SPEG: variants seen among roughly 807,000 people sequenced by gnomAD.
The protein encoded by SPEG is striated muscle enriched protein kinase, also known as striated muscle preferentially expressed protein kinase.
In SPEG, 114 loss-of-function variants were observed where a neutral mutation model predicts 300.4. The observed-to-expected ratio is 0.38, with a 90% CI of 0.33 to 0.44. The LOEUF is 0.44. Ranked by LOEUF, SPEG falls within the 20% of genes least tolerant of loss-of-function variation. The probability of loss-of-function intolerance (pLI) is 1.00; values close to 1 mark genes in which losing one functional copy is unlikely to be tolerated. For synonymous variants in SPEG, 1,964 were observed against 2,018.9 expected (o/e 0.97, Z 0.73); for missense variants, 4,201 against 4,586.2 (o/e 0.92, Z 2.43).
At position 219,448,938 on chromosome 2, in the gene SPEG, G is replaced by T; in HGVS notation, c.1780G>T (p.Asp594Tyr). 6.7e-7 allele frequency: 1 copy of T among 1,497,194 alleles called. No homozygotes were observed. Among genetic ancestry groups the T allele is most frequent in the East Asian group, 2.8e-5 (1 of 35,698 alleles). 92.7% of individuals were successfully genotyped at this position (1,497,194 alleles called of 1,614,324 possible). A position where few individuals can be genotyped will look rare whatever the true frequency, so the allele number is the denominator to read the frequency against. ...CCCGCAGCAGGAGGTTAGGCGTCGGGACCAATTCCCGCTGACCCGGAGCAG... is the reference window on the plus strand; with the variant it reads ...CCCGCAGCAGGAGGTTAGGCGTCGGTACCAATTCCCGCTGACCCGGAGCAG... Reference protein sequence around the residue: ...EGPQQEVRRRDQFPLTRSRAI... With the variant: ...EGPQQEVRRRYQFPLTRSRAI... Residue 594 changes from aspartate (D) to tyrosine (Y), a missense_variant, in exon 4 of 41, where the codon GAC becomes TAC. Physicochemically the swap from Asp to Tyr is radical, Grantham distance 160. Transcript: ENST00000312358.
At position 219,469,323 on chromosome 2, in the gene SPEG, G is replaced by A; in HGVS notation, c.3659G>A (p.Ser1220Asn). The change falls in exon 13 of 41, where the codon AGC becomes AAC. Residue 1220 changes from serine to asparagine, a missense_variant. Physicochemically the swap from Ser to Asn is conservative, Grantham distance 46 (BLOSUM62 1). Coordinates refer to ENST00000312358, the MANE Select transcript of SPEG (RefSeq NM_005876.5). ...QVTGLPYPTI[S>N]WFHNGHRIQS... ...ACCGGCCTGCCCTACCCCACCATCA[G>A]CTGGTTCCACAATGGCCACCGCATC... is the stretch of plus-strand genomic sequence containing the variant. The A allele has an allele frequency of 6.2e-7, 1 of 1,613,928 alleles. No homozygotes were observed. Among genetic ancestry groups the A allele is most frequent in the Non-Finnish European group, 8.5e-7 (1 of 1,179,978 alleles).
Position 219,479,460 on chromosome 2 carries a change from A to G in SPEG, c.5085+259A>G, listed in dbSNP as rs76622034. 6.6e-6 allele frequency among the ~76,000 whole-genome samples: 1 copy of G among 152,286 alleles called. No homozygotes were observed. The highest frequency in any genetic ancestry group is 2.4e-5 in the African/African-American group (1 of 41,560). On this transcript the variant is annotated intron_variant, in intron 23 of 40. Coordinates refer to ENST00000312358, the MANE Select transcript of SPEG (RefSeq NM_005876.5). The surrounding 1 kb of genome is among the most constrained non-coding windows in gnomAD (Gnocchi z 5.5). Reference sequence around the variant, plus strand: ...ACTGTTGTTTCCCACTCTTCATCACATAAACATCCCCCAAACATTTCTCCT... The same window carrying G: ...ACTGTTGTTTCCCACTCTTCATCACGTAAACATCCCCCAAACATTTCTCCT...
rs2125538466 is a variant in SPEG, at chr2:219,481,184, T to G, written c.5370-120T>G. 9.1e-7 allele frequency: 1 copy of G among 1,100,998 alleles called. No homozygotes were observed. The highest frequency in any genetic ancestry group is 2.4e-5 in the East Asian group (1 of 42,262). The allele number at this position is 1,100,998 out of a possible 1,614,324, so 68.2% of individuals were successfully genotyped here. ...CGCAGCCTCACCTCTTACCCACATTTGCCCAGCCTCTGTCATCCTCACAAC... is the reference window on the plus strand; with the variant it reads ...CGCAGCCTCACCTCTTACCCACATTGGCCCAGCCTCTGTCATCCTCACAAC... On this transcript the variant is annotated intron_variant, in intron 26 of 40. Transcript: ENST00000312358. The surrounding 1 kb of genome is among the most constrained non-coding windows in gnomAD (Gnocchi z 5.4).
chr2:219,453,255 C>T (rs1220169105), intron 6 of SPEG, among the ~76,000 whole-genome samples: 3 of 152,300 alleles, frequency 2.0e-5, no homozygotes, highest in South Asian at 2.1e-4. Context: ...CAGCTTGGGG[C>T]GAGGCAGTTG....
chr2:219,462,116 C>T (rs1690766645), intron 7 of SPEG, 59 bp downstream of exon 7: 2 of 1,400,030 alleles, frequency 1.4e-6, no homozygotes, highest in Non-Finnish European at 2.0e-6. Flanking sequence ...TTGGGTGCCC[C>T]CTTGTTCTTG....
intron 40 of SPEG, 43 bp downstream of exon 40, chr2:219,492,303 C>T: frequency 6.3e-7 from 1 of 1,580,386 alleles, no homozygotes. Flanking sequence ...GTTACCTGCC[C>T]CTGGCCTGGC....
At chr2:219,468,496 C>T (rs908921975) in intron 10 of SPEG, 82 bp from the exon 11 acceptor site, 19 of 1,483,440 alleles carry the variant, frequency 1.3e-5, no homozygotes, top group Middle Eastern at 5.0e-4. Flanking sequence ...GCTTCCTGCT[C>T]AGCCTTAGGT....
intron 6 of SPEG, chr2:219,461,114 G>A (rs1690647868): frequency 1.1e-6 from 1 of 899,320 alleles, no homozygotes; most frequent in Non-Finnish European, 1.3e-6. Flanking sequence ...AGCTCAGCGA[G>A]ACTGGGACCC....
rs373012879 is a variant in SPEG at position 219,477,962 on chromosome 2, G to A, written c.4884G>A (p.Ala1628=). 2.0e-5 allele frequency: 32 copies of A among 1,614,046 alleles called. No homozygotes were observed. The highest frequency in any genetic ancestry group is 1.6e-4 in the Middle Eastern group (1 of 6,084). The change falls in exon 22 of 41, where the codon GCG becomes GCA. Residue 1628 remains alanine (A), a synonymous_variant. Coordinates refer to ENST00000312358, the MANE Select transcript of SPEG (RefSeq NM_005876.5). The surrounding 1 kb of genome is among the most constrained non-coding windows in gnomAD (Gnocchi z 6.4). ...IVERSSGLEF[A]AKFIPSQAKP... is the part of the protein sequence containing the mutation. ...AGCGTAGCTCCGGCCTGGAGTTTGC[G>A]GCCAAGTTCATCCCCAGCCAGGCCA...
Position 219,449,026 on chromosome 2 carries a change from C to A in SPEG, c.1868C>A (p.Thr623Lys). The change falls in exon 4 of 41, where the codon ACG (threonine) becomes AAG (lysine). Residue 623 changes from threonine (T) to lysine (K), a missense_variant. Physicochemically the swap from Thr to Lys is moderately conservative, Grantham distance 78. Coordinates refer to ENST00000312358, the MANE Select transcript of SPEG (RefSeq NM_005876.5). Reference sequence around the variant, plus strand: ...GCCGCCGATCCCCCAGAGGCCAGGACGAAAGCACCCCCCGGTCGGAAGCGG... The same window carrying A: ...GCCGCCGATCCCCCAGAGGCCAGGAAGAAAGCACCCCCCGGTCGGAAGCGG... ...PPAADPPEAR[T>K]KAPPGRKREP... 2 of 1,520,534 alleles carry A rather than the reference C, an allele frequency of 1.3e-6. No individual in the cohort carries two copies. The highest frequency in any genetic ancestry group is 1.8e-6 in the Non-Finnish European group (2 of 1,134,356). The allele number at this position is 1,520,534 out of a possible 1,614,324, so 94.2% of individuals were successfully genotyped here. A position where few individuals can be genotyped will look rare whatever the true frequency, so the allele number is the denominator to read the frequency against.
chr2:219,435,073 C>T lies in SPEG; in HGVS notation c.96C>T (p.Gly32=). ...VPPKRAKVGA[G]GGAPVAVAGA... is the part of the protein sequence containing the mutation. The stretch of plus-strand genomic sequence containing the variant: ...CGAAAAGGGCCAAGGTGGGGGCCGG[C>T]GGCGGGGCTCCTGTGGCCGTGGCCG... The change falls in exon 1 of 41, where the codon GGC becomes GGT. Residue 32 remains glycine (G), a synonymous_variant. Coordinates refer to ENST00000312358, the MANE Select transcript of SPEG (RefSeq NM_005876.5). The T allele has an allele frequency of 2.0e-6, 3 of 1,469,814 alleles. No homozygotes were observed. The highest frequency in any genetic ancestry group is 2.7e-6 in the Non-Finnish European group (3 of 1,120,268). The allele number at this position is 1,469,814 out of a possible 1,614,324, so 91.0% of individuals were successfully genotyped here. A position where few individuals can be genotyped will look rare whatever the true frequency, so the allele number is the denominator to read the frequency against.
Position 219,485,072 on chromosome 2 carries a change from G to C in SPEG, c.7609G>C (p.Ala2537Pro). 6.5e-7 allele frequency: 1 copy of C among 1,532,000 alleles called. No homozygotes were observed. The highest frequency in any genetic ancestry group is 8.7e-7 in the Non-Finnish European group (1 of 1,145,754). The allele number at this position is 1,532,000 out of a possible 1,614,324, so 94.9% of individuals were successfully genotyped here. ...GGCCAGCGCCACGTCGGGCTCCTCA[G>C]GTGAGGAGGGGCAGGGGTAGGGCAG... Reference protein sequence around the residue: ...SEASATSGSSAPGESRSRLRW... With the variant: ...SEASATSGSSPPGESRSRLRW... The change falls in exon 30 of 41, where the codon GCC becomes CCC. Residue 2537 changes from alanine to proline, a missense_variant and splice_region_variant. Ala to Pro is a conservative substitution (Grantham distance 27). This residue lies in a region of SPEG where 1,578 missense variants were observed against 1,506.0 expected (regional missense o/e 1.05). Transcript: ENST00000312358.
chr2:219,471,946 A>G lies in SPEG; in HGVS notation c.3794A>G (p.Lys1265Arg), dbSNP rs1310041543. The change falls in exon 14 of 41, where the codon AAG becomes AGG. Residue 1265 changes from lysine to arginine, a missense_variant. Lys to Arg is a conservative substitution (Grantham distance 26). Around this residue, in one of 4 missense-constraint regions of SPEG, gnomAD observed 1,047 missense variants for 1,356.8 expected, o/e 0.77. Transcript: ENST00000312358. ...AGVYKSVIAN[K>R]LGKAACYAHL... The stretch of plus-strand genomic sequence containing the variant: ...GTCTACAAGAGCGTCATTGCCAACA[A>G]GCTGGGCAAAGCTGCCTGCTATGCC... The G allele has an allele frequency of 6.2e-7, 1 of 1,613,760 alleles. No individual in the cohort carries two copies. The highest frequency in any genetic ancestry group is 8.5e-7 in the Non-Finnish European group (1 of 1,179,992).
intron 6 of SPEG, 174 bp from the exon 7 acceptor site, chr2:219,461,708 G>T: frequency 1.2e-6 from 1 of 817,314 alleles, no homozygotes; most frequent in Non-Finnish European, 1.9e-6. Context: ...AGGTTCCAGG[G>T]GCTCAGGGAG....
intron 1 of SPEG, chr2:219,441,943 G>T: frequency 3.7e-6 from 1 of 267,660 alleles, no homozygotes; most frequent in Non-Finnish European, 6.8e-6. Context: ...CGCCACCCGC[G>T]CCGGCTCCCG....
intron 40 of SPEG, 146 bp from the exon 41 acceptor site, chr2:219,492,448 G>A: frequency 2.8e-6 from 3 of 1,086,966 alleles, no homozygotes; most frequent in Non-Finnish European, 4.0e-6. Context: ...CCATTCCGGA[G>A]ACTGGGGAAC....
At position 219,493,125 on chromosome 2, in the gene SPEG, T is replaced by G. The variant is rs1694125123; in HGVS notation, c.*339T>G. 2 of 530,788 alleles carry G rather than the reference T, an allele frequency of 3.8e-6. No individual in the cohort carries two copies. The highest frequency in any genetic ancestry group is 1.9e-5 in the African/African-American group (1 of 52,756). 32.9% of individuals were successfully genotyped at this position (530,788 alleles called of 1,614,324 possible). A position where few individuals can be genotyped will look rare whatever the true frequency, so the allele number is the denominator to read the frequency against. On this transcript the variant is annotated 3_prime_UTR_variant, in exon 41 of 41. Transcript: ENST00000312358. ...AGGAAGGTTCTGGGTTGGGGGTCAGTGCATCTCAGGGAGAACCAAGGAAGG... is the reference window on the plus strand; with the variant it reads ...AGGAAGGTTCTGGGTTGGGGGTCAGGGCATCTCAGGGAGAACCAAGGAAGG...
At chr2:219,437,417 G>A (rs1455706519) in intron 1 of SPEG, 1 of 152,290 alleles carries the variant, frequency 6.6e-6, no homozygotes. Flanking sequence ...GCCTGGCTGG[G>A]CGTACCTAGA....
In SPEG at chr2:219,474,097, G is replaced by T. The variant is rs1411933846; in HGVS notation, c.4447+194G>T. ...ACAATCATACTAACAAGATTTATTGGCCAGACGCGGTGGCTCACACCTGTA... is the reference window on the plus strand; with the variant it reads ...ACAATCATACTAACAAGATTTATTGTCCAGACGCGGTGGCTCACACCTGTA... On this transcript the variant is annotated intron_variant, in intron 18 of 40. Coordinates refer to ENST00000312358, the MANE Select transcript of SPEG (RefSeq NM_005876.5). 3 of 609,112 alleles carry T rather than the reference G, an allele frequency of 4.9e-6. No homozygotes were observed. The African/African-American group carries it at 5.5e-5, about 11-fold the overall frequency. The allele number at this position is 609,112 out of a possible 1,614,324, so 37.7% of individuals were successfully genotyped here. A position where few individuals can be genotyped will look rare whatever the true frequency, so the allele number is the denominator to read the frequency against.
Sources: allele counts gnomAD v4.1 joint callset (sites outside exome capture counted in the v4.1 genomes callset), GRCh38; gene constraint gnomAD v4.1.1; regional missense constraint gnomAD v4.1.1; non-coding constraint Gnocchi (gnomAD v3.1); transcripts MANE v1.5; gene names NCBI Gene and HGNC (gene_info 2026-07-23, HGNC 2026-07-21).